Variants in KIAA1217 observed in about 807,000 individuals in gnomAD.
KIAA1217 encodes sickle tail protein homolog.
KIAA1217 carries 88 observed loss-of-function variants against 163.9 expected under a neutral mutation model. That is an observed-to-expected ratio of 0.54 (90% CI 0.45 to 0.64). The LOEUF (loss-of-function observed/expected upper bound fraction) is 0.64. KIAA1217 is among the 30% of genes least tolerant of loss of function. The pLI, the probability that KIAA1217 is intolerant of heterozygous loss-of-function variation, is 0.00. For synonymous variants in KIAA1217, 903 were observed against 923.1 expected (o/e 0.98, Z 0.39); for missense variants, 2,372 against 2,475.0 (o/e 0.96, Z 0.88).
intron 2 of KIAA1217, among the ~76,000 whole-genome samples, chr10:24,283,932 C>T (rs1007666360): frequency 1.1e-4 from 16 of 150,260 alleles, no homozygotes; most frequent in African/African-American, 2.2e-4. Context: ...GTTTTTGAGA[C>T]GGAGTCTCAC....
intron 2 of KIAA1217, among the ~76,000 whole-genome samples, chr10:24,192,660 AG>A (rs778020478): frequency 1.3e-5 from 2 of 152,238 alleles, no homozygotes; most frequent in Non-Finnish European, 2.9e-5. Context: ...GAGGTCCCTC[AG>A]GGGCTTGGAG....
At position 24,088,256 on chromosome 10, in the gene KIAA1217, C is replaced by CATATACATATATATATATATAT. The variant is rs1554861323; in HGVS notation, c.-171+80887_-171+80888insCATATATATATATATATATATA. 3.9e-3 allele frequency among the ~76,000 whole-genome samples: 374 copies of CATATACATATATATATATATAT among 95,766 alleles called. 9 individuals are homozygous for CATATACATATATATATATATAT. Among genetic ancestry groups the CATATACATATATATATATATAT allele is most frequent in the African/African-American group, 0.012 (344 of 29,720 alleles). The allele number at this position is 95,766 out of a possible 152,430, so 62.8% of individuals were successfully genotyped here. On this transcript the variant is annotated intron_variant, in intron 2 of 18. Transcript: ENST00000376462. The stretch of plus-strand genomic sequence containing the variant: ...TCCCAGGCTCTGTTTTTTTAATATA[C>CATATACATATATATATATATAT]ATATATATATATATATATACACACA...
At chr10:24,113,662 C>G (rs1249764753) in intron 2 of KIAA1217, among the ~76,000 whole-genome samples, 7 of 152,152 alleles carry the variant, frequency 4.6e-5, no homozygotes, top group Admixed American at 2.6e-4. Flanking sequence ...GGAACTGTGC[C>G]CTCTGTCAAG....
intron 3 of KIAA1217, among the ~76,000 whole-genome samples, chr10:24,425,281 G>A (rs1351732783): frequency 6.6e-6 from 1 of 152,148 alleles, no homozygotes; most frequent in African/African-American, 2.4e-5. Flanking sequence ...TCACATTTTA[G>A]GGTATAGTCA....
chr10:24,335,959 G>C (rs932707209), intron 2 of KIAA1217, among the ~76,000 whole-genome samples: 1 of 152,234 alleles, frequency 6.6e-6, no homozygotes, highest in Non-Finnish European at 1.5e-5. Flanking sequence ...CAGTGGCTCA[G>C]GCCAGGCACA....
chr10:24,255,891 A>G (rs975283851), intron 2 of KIAA1217, among the ~76,000 whole-genome samples: 19 of 152,090 alleles, frequency 1.2e-4, no homozygotes, highest in Non-Finnish European at 2.1e-4. Flanking sequence ...GGCAGGAAGC[A>G]TTTTTCTTTG....
At chr10:23,968,095 T>C (rs542130610) in intron 1 of KIAA1217, among the ~76,000 whole-genome samples, 3 of 152,010 alleles carry the variant, frequency 2.0e-5, no homozygotes, top group Non-Finnish European at 2.9e-5. Context: ...ACCTATCCTA[T>C]GTATATACTC....
At chr10:24,429,348 C>A (rs1035878089) in intron 3 of KIAA1217, among the ~76,000 whole-genome samples, 1 of 152,200 alleles carries the variant, frequency 6.6e-6, no homozygotes, top group Admixed American at 6.5e-5. Flanking sequence ...GATCTCATGT[C>A]CTTCAGTTTA....
intron 2 of KIAA1217, among the ~76,000 whole-genome samples, chr10:24,340,053 G>T (rs2046875617): frequency 6.6e-6 from 1 of 152,186 alleles, no homozygotes; most frequent in Non-Finnish European, 1.5e-5. Flanking sequence ...GAAGGAAAAG[G>T]ATGTCTAACC....
chr10:24,107,087 C>T (rs1429196907), intron 2 of KIAA1217, among the ~76,000 whole-genome samples: 1 of 152,154 alleles, frequency 6.6e-6, no homozygotes, highest in Non-Finnish European at 1.5e-5. Flanking sequence ...TGATTTTGTC[C>T]ATGTGCACTC....
intron 1 of KIAA1217, among the ~76,000 whole-genome samples, chr10:23,951,016 C>G (rs774797729): frequency 6.6e-6 from 1 of 152,156 alleles, no homozygotes; most frequent in Non-Finnish European, 1.5e-5. Flanking sequence ...AGACACTGCC[C>G]TTCTCTTAAT....
At chr10:23,844,173 C>A (rs1011480622) in intron 1 of KIAA1217, among the ~76,000 whole-genome samples, 15 of 152,132 alleles carry the variant, frequency 9.9e-5, no homozygotes, top group African/African-American at 3.6e-4. Flanking sequence ...TTTCTTGAGC[C>A]TTCTGGTATA....
chr10:24,501,047 C>G (rs1347911948), intron 8 of KIAA1217, among the ~76,000 whole-genome samples: 4 of 151,482 alleles, frequency 2.6e-5, no homozygotes, highest in Non-Finnish European at 5.9e-5. Context: ...TTTAAAAAAG[C>G]TCTACTTCCA....
chr10:24,342,891 C>T (rs761317376), intron 2 of KIAA1217, among the ~76,000 whole-genome samples: 10 of 152,080 alleles, frequency 6.6e-5, no homozygotes, highest in East Asian at 1.9e-4. Flanking sequence ...CTCCTAACCT[C>T]GGGGATCCGC....
intron 1 of KIAA1217, among the ~76,000 whole-genome samples, chr10:23,828,799 A>G (rs940017041): frequency 3.3e-5 from 5 of 152,248 alleles, no homozygotes; most frequent in African/African-American, 9.6e-5. Flanking sequence ...TGTAATTATT[A>G]GAAACTGAGT....
chr10:24,105,650 G>C (rs1241267090), intron 2 of KIAA1217, among the ~76,000 whole-genome samples: 1 of 152,210 alleles, frequency 6.6e-6, no homozygotes, highest in Admixed American at 6.5e-5. Flanking sequence ...TGGGTCCTCT[G>C]TGAGGTTGCA....
At chr10:24,067,556 G>C (rs2061004751) in intron 2 of KIAA1217, among the ~76,000 whole-genome samples, 1 of 152,186 alleles carries the variant, frequency 6.6e-6, no homozygotes, top group Admixed American at 6.5e-5. Flanking sequence ...CGCCCCTACT[G>C]GGGGATGCCT....
At chr10:24,104,260 A>G (rs184540403) in intron 2 of KIAA1217, among the ~76,000 whole-genome samples, 38 of 152,362 alleles carry the variant, frequency 2.5e-4, no homozygotes, top group African/African-American at 8.7e-4. Flanking sequence ...CTTGGGAGCA[A>G]CAATGATGTC....
chr10:23,748,571 G>T (rs1318328386), intron 1 of KIAA1217, among the ~76,000 whole-genome samples: 5 of 118,940 alleles, frequency 4.2e-5, no homozygotes, highest in South Asian at 3.6e-4. Context: ...GGGGGAGGGG[G>T]ACGGAAGGAA....
Sources: gnomAD v4.1 joint callset for allele counts (sites outside exome capture counted in the v4.1 genomes callset) on GRCh38, gnomAD v4.1.1 for gene constraint, MANE v1.5 for transcripts, NCBI Gene and HGNC (gene_info 2026-07-23, HGNC 2026-07-21) for gene names.